KIAA2012: variants seen among roughly 807,000 people sequenced by gnomAD.
The protein encoded by KIAA2012 is KIAA2012.
A neutral mutation model predicts 150.6 loss-of-function variants in KIAA2012; 125 were observed. That is an observed-to-expected ratio of 0.83 (90% CI 0.72 to 0.96). The LOEUF (loss-of-function observed/expected upper bound fraction) is 0.96, where lower values mean the gene tolerates loss of function less well. KIAA2012 is among the 40% of genes least tolerant of loss of function. KIAA2012 has a pLI of 0.00. For synonymous variants in KIAA2012, 462 were observed against 504.7 expected, an observed-to-expected ratio of 0.92 and a Z score of 1.13; for missense variants, 1,219 against 1,354.9, an observed-to-expected ratio of 0.90 and a Z score of 1.57.
intron 15 of KIAA2012, among the ~76,000 whole-genome samples, chr2:202,168,660 G>A (rs371549023): frequency 3.9e-5 from 6 of 152,232 alleles, no homozygotes; most frequent in Admixed American, 3.3e-4. Context: ...CCAGGTATGG[G>A]CAGCAGACCC....
At chr2:202,170,693 A>G (rs1395333076) in intron 15 of KIAA2012, among the ~76,000 whole-genome samples, 1 of 152,202 alleles carries the variant, frequency 6.6e-6, no homozygotes, top group Non-Finnish European at 1.5e-5. Context: ...AATCTGATCC[A>G]GATAGAGAGA....
intron 12 of KIAA2012, among the ~76,000 whole-genome samples, chr2:202,135,467 G>A (rs1011721708): frequency 6.6e-6 from 1 of 152,106 alleles, no homozygotes; most frequent in African/African-American, 2.4e-5. Context: ...CTGAAAGGAG[G>A]TTTTACCACC....
intron 13 of KIAA2012, among the ~76,000 whole-genome samples, chr2:202,149,145 C>T (rs961270336): frequency 6.6e-6 from 1 of 152,202 alleles, no homozygotes; most frequent in African/African-American, 2.4e-5. Flanking sequence ...AGCCCTCCTT[C>T]TCCCCTACCC....
chr2:202,114,072 T>A (rs924501135), intron 11 of KIAA2012: 1 of 152,172 alleles, frequency 6.6e-6, no homozygotes, highest in Admixed American at 6.6e-5. Context: ...ATGTGGGAGA[T>A]TAAAAGCTGC....
intron 12 of KIAA2012, among the ~76,000 whole-genome samples, chr2:202,133,130 A>ATTTTTTTTTTTTTT (rs60064904): frequency 2.4e-4 from 16 of 67,740 alleles, no homozygotes; most frequent in South Asian, 1.1e-3. Context: ...ATATATATAT[A>ATTTTTTTTTTTTTT]TTTTTTTTTT....
chr2:202,114,892 T>TTGAATGAA (rs57682061), intron 11 of KIAA2012: 38 of 166,216 alleles, frequency 2.3e-4, no homozygotes, highest in South Asian at 6.3e-4. Flanking sequence ...TGCATGCTTA[T>TTGAATGAA]TGAATGAATG....
chr2:202,109,026 A>G (rs570942707), intron 9 of KIAA2012, among the ~76,000 whole-genome samples: 2 of 152,264 alleles, frequency 1.3e-5, no homozygotes, highest in South Asian at 4.2e-4. Flanking sequence ...GGTATGCTCT[A>G]TGGAATGCTA....
intron 9 of KIAA2012, among the ~76,000 whole-genome samples, chr2:202,106,181 C>G (rs921952244): frequency 6.6e-6 from 1 of 152,112 alleles, no homozygotes; most frequent in African/African-American, 2.4e-5. Context: ...TTACTTACCC[C>G]CTAACTCATC....
At chr2:202,169,128 T>C (rs1245465575) in intron 15 of KIAA2012, among the ~76,000 whole-genome samples, 3 of 152,234 alleles carry the variant, frequency 2.0e-5, no homozygotes, top group Non-Finnish European at 2.9e-5. Flanking sequence ...ATTGGGTGGC[T>C]ACTAAGTACC....
intron 22 of KIAA2012, chr2:202,201,708 T>A: frequency 6.4e-7 from 1 of 1,569,482 alleles, no homozygotes; most frequent in Middle Eastern, 1.7e-4. Flanking sequence ...GCCGACATGG[T>A]GGGGACTGTG....
At chr2:202,192,715 C>T (rs1692344985) in intron 19 of KIAA2012, among the ~76,000 whole-genome samples, 1 of 152,104 alleles carries the variant, frequency 6.6e-6, no homozygotes, top group African/African-American at 2.4e-5. Flanking sequence ...CCTCAGCCTC[C>T]AAAAGTGCTA....
intron 6 of KIAA2012, 99 bp downstream of exon 6, chr2:202,099,895 C>A: frequency 1.9e-6 from 2 of 1,056,732 alleles, no homozygotes; most frequent in Non-Finnish European, 2.7e-6. Flanking sequence ...TTCCTTGCGC[C>A]ACTCACCTTA....
At chr2:202,195,652 T>C (rs1350500058) in intron 21 of KIAA2012, among the ~76,000 whole-genome samples, 3 of 152,352 alleles carry the variant, frequency 2.0e-5, no homozygotes, top group Admixed American at 2.0e-4. Flanking sequence ...TTTAGTAGTC[T>C]TTAACCAACC....
intron 4 of KIAA2012, 104 bp from the exon 5 acceptor site, chr2:202,097,331 G>C (rs1456980186): frequency 7.4e-6 from 11 of 1,496,162 alleles, no homozygotes; most frequent in Non-Finnish European, 9.8e-6. Context: ...GGAGGGCCTT[G>C]AGCACTTTTA....
At position 202,200,707 on chromosome 2, in the gene KIAA2012, C is replaced by CTTTTTTTTT. The variant is rs3068268; in HGVS notation, c.3408-1715_3408-1707dup. 1.3e-4 allele frequency among the ~76,000 whole-genome samples: 16 copies of CTTTTTTTTT among 124,262 alleles called. 1 individual carries two copies. Among genetic ancestry groups the CTTTTTTTTT allele is most frequent in the African/African-American group, 2.4e-4 (8 of 32,716 alleles). 81.5% of individuals were successfully genotyped at this position (124,262 alleles called of 152,430 possible). On this transcript the variant is annotated intron_variant, in intron 22 of 23. Coordinates refer to ENST00000498697, the MANE Select transcript of KIAA2012 (RefSeq NM_001277372.4). ...AAGACCAATCAGAATAATTTTGGAA[C>CTTTTTTTTT]TTTTTTTTTTTTTTTGGTGACGGAG...
intron 15 of KIAA2012, among the ~76,000 whole-genome samples, chr2:202,171,057 G>A (rs1559227576): frequency 1.3e-5 from 2 of 151,734 alleles, no homozygotes; most frequent in African/African-American, 4.9e-5. Flanking sequence ...AAGAGGGTTC[G>A]CCCCCCACGG....
chr2:202,160,523 C>G (rs1053759499), intron 14 of KIAA2012, among the ~76,000 whole-genome samples: 1 of 152,114 alleles, frequency 6.6e-6, no homozygotes, highest in Middle Eastern at 3.4e-3. Context: ...CCATGTTAGC[C>G]AGCATGGTCT....
intron 9 of KIAA2012, among the ~76,000 whole-genome samples, chr2:202,108,462 C>T (rs1690256174): frequency 6.6e-6 from 1 of 152,230 alleles, no homozygotes; most frequent in African/African-American, 2.4e-5. Flanking sequence ...GAATTCAACT[C>T]AGGATCATGC....
rs1689252371 is a variant in KIAA2012, at chr2:202,073,483, G to A, written c.-145G>A. On this transcript the variant is annotated 5_prime_UTR_variant, in exon 1 of 24. Transcript: ENST00000498697. ...GGTTGTTACTAAGAAGCTGCTGCGA[G>A]AGGGAAAAATGTATTTAATAAAAGG... The A allele has an allele frequency of 1.6e-6, 1 of 642,952 alleles. No homozygotes were observed. Among genetic ancestry groups the A allele is most frequent in the Non-Finnish European group, 2.7e-6 (1 of 371,322 alleles). The allele number at this position is 642,952 out of a possible 1,614,324, so 39.8% of individuals were successfully genotyped here.
Sources: gnomAD v4.1 joint callset for allele counts (sites outside exome capture counted in the v4.1 genomes callset) on GRCh38, gnomAD v4.1.1 for gene constraint, MANE v1.5 for transcripts, NCBI Gene and HGNC (gene_info 2026-07-23, HGNC 2026-07-21) for gene names.